TFDP1: variants seen among roughly 807,000 people sequenced by gnomAD.
TFDP1 encodes DRTF1-polypeptide 1.
In TFDP1, 6 loss-of-function variants were observed where a neutral mutation model predicts 48.0. The ratio of observed to expected loss-of-function variants is 0.13; its 90% CI spans 0.07 to 0.25. The LOEUF (loss-of-function observed/expected upper bound fraction) is 0.25, where lower values mean the gene tolerates loss of function less well. Ranked by LOEUF, TFDP1 falls within the 10% of genes least tolerant of loss-of-function variation. TFDP1 has a pLI of 1.00. For missense variants in TFDP1, 335 were observed against 543.0 expected (o/e 0.62, Z 3.81); for synonymous variants, 201 against 211.6 (o/e 0.95, Z 0.44).
At position 113,606,437 on chromosome 13, in the gene TFDP1, C is replaced by T. The variant is rs191368235; in HGVS notation, c.13-4559C>T. ...TGGCTGGTAAATAGCGTCTTCTTGC[C>T]GTGCCCTCTCCTGGTGGAAGGGCCA... On this transcript the variant is annotated intron_variant, in intron 2 of 11. Transcript: ENST00000375370. 1.3e-3 allele frequency among the ~76,000 whole-genome samples: 196 copies of T among 152,248 alleles called. 1 individual carries two copies. The highest frequency in any genetic ancestry group is 4.2e-3 in the African/African-American group (175 of 41,546).
rs1566676334 is a variant in TFDP1, at chr13:113,634,609, GA to G, written c.687+9del. 3 of 1,601,084 alleles carry G rather than the reference GA, an allele frequency of 1.9e-6. No homozygotes were observed. Among genetic ancestry groups the G allele is most frequent in the Non-Finnish European group, 2.6e-6 (3 of 1,172,054 alleles). On this transcript the variant is annotated splice_region_variant and intron_variant, in intron 8 of 11. Transcript: ENST00000375370. ...TCAAGAACTTATTCTACAGGTAAGA[GA>G]ATACGTATCTGTGGAGGCAGGGTAA...
intron 8 of TFDP1, 60 bp from the exon 9 acceptor site, chr13:113,635,917 A>C (rs755899814): frequency 2.5e-6 from 4 of 1,569,388 alleles, no homozygotes; most frequent in Non-Finnish European, 3.5e-6. Context: ...GGACCCCTCG[A>C]GCACAGGGGC....
rs144543834 is a variant in TFDP1 at position 113,636,693 on chromosome 13, C to T, written c.999C>T (p.Tyr333=). 20 of 1,613,558 alleles carry T rather than the reference C, an allele frequency of 1.2e-5. No homozygotes were observed. Among genetic ancestry groups the T allele is most frequent in the Admixed American group, 1.7e-5 (1 of 59,952 alleles). ...RSLVPKALEP[Y]VTEMAQGTVG... ...TGGTCCCCAAGGCTCTGGAGCCATACGTGACAGGTCAGCAATGCCCAGACA... is the reference window on the plus strand; with the variant it reads ...TGGTCCCCAAGGCTCTGGAGCCATATGTGACAGGTCAGCAATGCCCAGACA... The change falls in exon 10 of 12, where the codon TAC becomes TAT. Residue 333 remains tyrosine (Y), a synonymous_variant. Coordinates refer to ENST00000375370, the MANE Select transcript of TFDP1 (RefSeq NM_007111.5).
chr13:113,611,087 C>T, intron 3 of TFDP1, 25 bp downstream of exon 3: 1 of 1,598,780 alleles, frequency 6.3e-7, no homozygotes, highest in Non-Finnish European at 8.6e-7. Context: ...TCTGGACACA[C>T]TCTTGTGTTG....
At chr13:113,635,555 A>G (rs917457200) in intron 8 of TFDP1, among the ~76,000 whole-genome samples, 1 of 152,160 alleles carries the variant, frequency 6.6e-6, no homozygotes, top group East Asian at 1.9e-4. Context: ...CCTGCAGCAC[A>G]TGGGCCCTTC....
In TFDP1 at chr13:113,611,070, C is replaced by T. The variant is rs761979048; in HGVS notation, c.79+8C>T. 6 of 1,612,790 alleles carry T rather than the reference C, an allele frequency of 3.7e-6. No homozygotes were observed. The African/African-American group carries it at 8.0e-5, about 22-fold the overall frequency. On this transcript the variant is annotated splice_region_variant and intron_variant, in intron 3 of 11. Coordinates refer to ENST00000375370, the MANE Select transcript of TFDP1 (RefSeq NM_007111.5). Reference sequence around the variant, plus strand: ...ACCTTAGTCCCGGGAAAGGTAAGGGCACCTGTTCTGGACACACTCTTGTGT... The same window carrying T: ...ACCTTAGTCCCGGGAAAGGTAAGGGTACCTGTTCTGGACACACTCTTGTGT...
At chr13:113,589,934 C>CGATT (rs759087161) in intron 2 of TFDP1, among the ~76,000 whole-genome samples, 1 of 152,178 alleles carries the variant, frequency 6.6e-6, no homozygotes, top group Non-Finnish European at 1.5e-5. Context: ...TCGTCACACA[C>CGATT]GATTGTCCAG....
intron 11 of TFDP1, among the ~76,000 whole-genome samples, chr13:113,638,241 T>C (rs759061991): frequency 2.6e-5 from 4 of 152,170 alleles, no homozygotes; most frequent in African/African-American, 4.8e-5. Context: ...TCAGAACGCG[T>C]CTGCGGTCAC....
Position 113,633,045 on chromosome 13 carries a change from G to A in TFDP1, c.309-75G>A. Reference sequence around the variant, plus strand: ...TTGTGCAGCTCATTAGAGCTCTCAGGTAAAAGCATTCCTCGATTCAGGCTG... The same window carrying A: ...TTGTGCAGCTCATTAGAGCTCTCAGATAAAAGCATTCCTCGATTCAGGCTG... On this transcript the variant is annotated intron_variant, in intron 5 of 11. Transcript: ENST00000375370. This position sits in a 1 kb window ranked among gnomAD's most constrained non-coding sequence, Gnocchi z 4.5. 6.3e-7 allele frequency: 1 copy of A among 1,583,906 alleles called. No individual in the cohort carries two copies. Among genetic ancestry groups the A allele is most frequent in the Non-Finnish European group, 8.6e-7 (1 of 1,162,892 alleles).
chr13:113,622,984 G>A (rs910719779), intron 3 of TFDP1, among the ~76,000 whole-genome samples, 196 bp from the exon 4 acceptor site: 5 of 152,270 alleles, frequency 3.3e-5, no homozygotes, highest in Non-Finnish European at 5.9e-5. Flanking sequence ...GCGGCCCTGC[G>A]GCCCTCCCCT....
chr13:113,637,780 G>C, intron 10 of TFDP1, 38 bp from the exon 11 acceptor site: 1 of 1,614,232 alleles, frequency 6.2e-7, no homozygotes, highest in Non-Finnish European at 8.5e-7. Flanking sequence ...TGTTGTTTCT[G>C]TTTCATGACC....
chr13:113,606,105 G>T (rs1432123686), intron 2 of TFDP1, among the ~76,000 whole-genome samples: 4 of 148,244 alleles, frequency 2.7e-5, no homozygotes, highest in Non-Finnish European at 6.0e-5. Flanking sequence ...CTGTGGGAAG[G>T]CGGCGTGGTG....
intron 4 of TFDP1, among the ~76,000 whole-genome samples, chr13:113,625,049 ACGTGTCCT>A (rs2049101604): frequency 1.0e-5 from 1 of 97,906 alleles, no homozygotes; most frequent in Non-Finnish European, 2.1e-5. Flanking sequence ...GGTGTCTCTC[ACGTGTCCT>A]CAGGTGTCTC....
intron 4 of TFDP1, among the ~76,000 whole-genome samples, chr13:113,625,296 T>C (rs1594506086): frequency 5.5e-5 from 6 of 108,144 alleles, no homozygotes; most frequent in African/African-American, 9.5e-5. Flanking sequence ...TGTCCTCAGG[T>C]GTCTCTCACG....
At chr13:113,608,539 C>T (rs1465647917) in intron 2 of TFDP1, among the ~76,000 whole-genome samples, 2 of 152,322 alleles carry the variant, frequency 1.3e-5, no homozygotes, top group South Asian at 4.1e-4. Context: ...CACTCCCACA[C>T]AGATGCTCGA....
At chr13:113,608,354 C>A (rs371973991) in intron 2 of TFDP1, among the ~76,000 whole-genome samples, 6 of 152,208 alleles carry the variant, frequency 3.9e-5, no homozygotes, top group African/African-American at 1.4e-4. Context: ...GGCTTCAGAG[C>A]CTGAACCACG....
chr13:113,590,256 G>A (rs1446481384), intron 2 of TFDP1, among the ~76,000 whole-genome samples: 1 of 152,170 alleles, frequency 6.6e-6, no homozygotes, highest in African/African-American at 2.4e-5. Context: ...GTGAGTTTAT[G>A]GGGAAATCCT....
At position 113,600,650 on chromosome 13, in the gene TFDP1, T is replaced by C. The variant is rs191649204; in HGVS notation, c.13-10346T>C. Among the ~76,000 whole-genome samples the C allele has an allele frequency of 3.1e-4, 40 of 130,836 alleles. No individual in the cohort carries two copies. The East Asian group carries it at 9.2e-3, about 30-fold the overall frequency. 85.8% of individuals were successfully genotyped at this position (130,836 alleles called of 152,430 possible). ...CTCCAGGACCATAAGAGAGAACCCT[T>C]ACACGTAGAGCTCCAGGACCGTGAT... On this transcript the variant is annotated intron_variant, in intron 2 of 11. Coordinates refer to ENST00000375370, the MANE Select transcript of TFDP1 (RefSeq NM_007111.5).
At chr13:113,586,696 G>A (rs895999201) in intron 2 of TFDP1, among the ~76,000 whole-genome samples, 3 of 152,204 alleles carry the variant, frequency 2.0e-5, no homozygotes, top group Non-Finnish European at 2.9e-5. Context: ...AGCCCTCTCC[G>A]TTGGCGCAGA....
Sources: allele counts gnomAD v4.1 joint callset (sites outside exome capture counted in the v4.1 genomes callset), GRCh38; gene constraint gnomAD v4.1.1; non-coding constraint Gnocchi (gnomAD v3.1); transcripts MANE v1.5; gene names NCBI Gene and HGNC (gene_info 2026-07-23, HGNC 2026-07-21).